The following PHF6 variants were observed in gnomAD, a reference collection of about 807,000 sequenced individuals.
PHF6 encodes PHD-like zinc finger protein.
Under a neutral mutation model 34.0 loss-of-function variants are expected in PHF6, and 7 were observed. The ratio of observed to expected loss-of-function variants is 0.21; its 90% CI spans 0.12 to 0.39. The LOEUF (loss-of-function observed/expected upper bound fraction) is 0.39. Ranked by LOEUF, PHF6 falls within the 10% of genes least tolerant of loss-of-function variation. The pLI is 1.00. For synonymous variants in PHF6, 89 were observed against 88.4 expected, an observed-to-expected ratio of 1.01 and a Z score of -0.04; for missense variants, 128 against 262.8, an observed-to-expected ratio of 0.49 and a Z score of 3.55.
Position 134,426,236 on chromosome X carries a change from C to T in PHF6, c.*576C>T, listed in dbSNP as rs995396406. 2 of 159,924 alleles carry T rather than the reference C, an allele frequency of 1.3e-5. No individual in the cohort carries two copies. Among genetic ancestry groups the T allele is most frequent in the African/African-American group, 6.0e-5 (2 of 33,182 alleles). The allele number at this position is 159,924 out of a possible 1,213,427, so 13.2% of individuals were successfully genotyped here. On this transcript the variant is annotated 3_prime_UTR_variant, in exon 11 of 11. Coordinates refer to ENST00000370803, the MANE Select transcript of PHF6 (RefSeq NM_001015877.2). ...TTCCTGTTAAAGTTGTTCTCACTGA[C>T]CAGCATGGACTCAGGCAACTGGTAA...
chrX:134,401,247 A>C (rs937597320), intron 5 of PHF6, among the ~76,000 whole-genome samples: 2 of 111,095 alleles, frequency 1.8e-5, no homozygotes, highest in Admixed American at 1.9e-4. Flanking sequence ...CTCATCTTAC[A>C]TCTTCCTAGT....
At chrX:134,400,873 A>G (rs974503227) in intron 5 of PHF6, among the ~76,000 whole-genome samples, 14 of 111,672 alleles carry the variant, frequency 1.3e-4, no homozygotes, top group Non-Finnish European at 2.6e-4. Flanking sequence ...GATCTTGCCA[A>G]GTGAGTTTAA....
Position 134,415,185 on chromosome X carries a change from A to C in PHF6, c.834+65A>C, listed in dbSNP as rs2077467920. On this transcript the variant is annotated intron_variant, in intron 8 of 10. Transcript: ENST00000370803. Reference sequence around the variant, plus strand: ...ATTTGCTGCTTTAAATTTAGAGTACATCCCAAATTTATCCAGTCATCAGAA... The same window carrying C: ...ATTTGCTGCTTTAAATTTAGAGTACCTCCCAAATTTATCCAGTCATCAGAA... The C allele has an allele frequency of 4.1e-6, 5 of 1,206,045 alleles. No individual in the cohort carries two copies. In the Admixed American group the frequency reaches 8.8e-5, roughly 21 times the overall value.
intron 3 of PHF6, among the ~76,000 whole-genome samples, chrX:134,381,238 A>G (rs947129940): frequency 1.8e-4 from 20 of 111,181 alleles, no homozygotes; most frequent in East Asian, 1.1e-3. Context: ...GGAATGTAAC[A>G]TACGTTTAGG....
intron 1 of PHF6, among the ~76,000 whole-genome samples, chrX:134,374,474 A>G (rs2077270255): frequency 8.9e-6 from 1 of 112,373 alleles, no homozygotes; most frequent in African/African-American, 3.2e-5. Context: ...ATTTCTGTCC[A>G]CTGTAACTTT....
intron 8 of PHF6, among the ~76,000 whole-genome samples, chrX:134,415,633 G>A (rs1164397089): frequency 1.8e-5 from 2 of 111,888 alleles, no homozygotes; most frequent in African/African-American, 3.2e-5. Context: ...TTTATTGATC[G>A]CTTACTCCTT....
intron 5 of PHF6, among the ~76,000 whole-genome samples, chrX:134,394,984 C>G (rs963584518): frequency 9.2e-6 from 1 of 108,850 alleles, no homozygotes; most frequent in Non-Finnish European, 1.9e-5. Context: ...TCCTGAGTAG[C>G]TGGGATTACA....
intron 2 of PHF6, 98 bp downstream of exon 2, chrX:134,377,853 A>T: frequency 9.7e-7 from 1 of 1,033,071 alleles, no homozygotes; most frequent in Non-Finnish European, 1.3e-6. Flanking sequence ...ACAAAAACCA[A>T]AAAAAACTCA....
intron 5 of PHF6, among the ~76,000 whole-genome samples, chrX:134,408,009 C>T (rs1448160051): frequency 8.9e-6 from 1 of 111,954 alleles, no homozygotes; most frequent in Non-Finnish European, 1.9e-5. Flanking sequence ...CTCACTGTAA[C>T]CTCCGCCTCC....
chrX:134,380,452 G>A (rs776450910), intron 3 of PHF6, among the ~76,000 whole-genome samples: 2 of 111,716 alleles, frequency 1.8e-5, no homozygotes, highest in Admixed American at 9.5e-5. Flanking sequence ...ATTCGTTAAA[G>A]CATCAGAACT....
chrX:134,376,461 T>G (rs1462235274), intron 1 of PHF6, among the ~76,000 whole-genome samples: 1 of 112,104 alleles, frequency 8.9e-6, no homozygotes, highest in Non-Finnish European at 1.9e-5. Context: ...ATCAAGTAAC[T>G]GGTTTTAAAT....
intron 5 of PHF6, among the ~76,000 whole-genome samples, chrX:134,399,515 A>G (rs964223878): frequency 1.8e-5 from 2 of 111,407 alleles, no homozygotes; most frequent in Admixed American, 1.9e-4. Context: ...GGGGCAGGGA[A>G]TAGTTAGAAG....
chrX:134,417,302 A>G lies in PHF6; in HGVS notation c.968A>G (p.Lys323Arg), dbSNP rs778879017. 2.5e-6 allele frequency: 3 copies of G among 1,208,932 alleles called. No individual in the cohort carries two copies. The highest frequency in any genetic ancestry group is 3.4e-6 in the Non-Finnish European group (3 of 893,747). The change falls in exon 9 of 11, where the codon AAA (lysine) becomes AGA (arginine). Residue 323 changes from lysine to arginine, a missense_variant and splice_region_variant. Around this residue, in one of 3 missense-constraint regions of PHF6, gnomAD observed 16 missense variants for 93.7 expected, o/e 0.17. Transcript: ENST00000370803. ...YIENMSRGIY[K>R]LYCKNHSGND... ...GAAAATATGTCACGAGGAATTTACA[A>G]GTAAGAAAACAACAGTTGTCTATTT...
intron 9 of PHF6, among the ~76,000 whole-genome samples, chrX:134,424,487 C>T (rs979749725): frequency 8.9e-6 from 1 of 111,987 alleles, no homozygotes; most frequent in African/African-American, 3.2e-5. Flanking sequence ...AGCCTTTAGA[C>T]CTTATTCCCA....
At chrX:134,381,212 A>G (rs1176599960) in intron 3 of PHF6, among the ~76,000 whole-genome samples, 3 of 111,114 alleles carry the variant, frequency 2.7e-5, no homozygotes, top group Non-Finnish European at 3.8e-5. Flanking sequence ...AGTTTAAACA[A>G]CTTATATAGG....
At chrX:134,380,065 C>T (rs2077299789) in intron 3 of PHF6, among the ~76,000 whole-genome samples, 1 of 111,096 alleles carries the variant, frequency 9.0e-6, no homozygotes, top group African/African-American at 3.3e-5. Flanking sequence ...TTAACAAATG[C>T]AATGCCTAGT....
At chrX:134,377,020 G>A (rs2077280532) in intron 1 of PHF6, among the ~76,000 whole-genome samples, 2 of 111,517 alleles carry the variant, frequency 1.8e-5, no homozygotes, top group Non-Finnish European at 3.8e-5. Flanking sequence ...AGCTTTTACC[G>A]TGTTCTTAAG....
At chrX:134,379,432 CTTTTTTTTTTTT>C (rs34099570) in intron 3 of PHF6, among the ~76,000 whole-genome samples, 1 of 26,276 alleles carries the variant, frequency 3.8e-5, no homozygotes, top group African/African-American at 2.0e-4. Flanking sequence ...CTTTTCTTTT[CTTTTTTTTTTTT>C]TTTTTTTTTT....
rs756858808 is a variant in PHF6 at position 134,384,621 on chromosome X, A to G, written c.240+6515A>G. Among the ~76,000 whole-genome samples, 4 of 107,764 alleles carry G rather than the reference A, an allele frequency of 3.7e-5. No homozygotes were observed. In the South Asian group the frequency reaches 1.6e-3, roughly 44 times the overall value. The allele number at this position is 107,764 out of a possible 115,157, so 93.6% of individuals were successfully genotyped here. A position where few individuals can be genotyped will look rare whatever the true frequency, so the allele number is the denominator to read the frequency against. On this transcript the variant is annotated intron_variant, in intron 3 of 10. Transcript: ENST00000370803. The stretch of plus-strand genomic sequence containing the variant: ...GTCACGTCAATTCTATTTGTGGGAT[A>G]TCTCTGCCTTTTCTTCTTTCTTTCT...
Sources: allele counts gnomAD v4.1 joint callset (sites outside exome capture counted in the v4.1 genomes callset), GRCh38; gene constraint gnomAD v4.1.1; regional missense constraint gnomAD v4.1.1; transcripts MANE v1.5; gene names NCBI Gene and HGNC (gene_info 2026-07-23, HGNC 2026-07-21).